The following UBE3D variants were observed in gnomAD, a reference collection of about 807,000 sequenced individuals.
UBE3D encodes the protein ubiquitin protein ligase E3D.
Under a neutral mutation model 49.6 loss-of-function variants are expected in UBE3D, and 48 were observed. The ratio of observed to expected loss-of-function variants is 0.97; its 90% confidence interval spans 0.77 to 1.23. The LOEUF is 1.23. Ranked by LOEUF, UBE3D falls within the 50% of genes most tolerant of loss-of-function variation. UBE3D has a pLI of 0.00. For synonymous variants in UBE3D, 189 were observed against 174.2 expected, an observed-to-expected ratio of 1.08 and a Z score of -0.67; for missense variants, 452 against 468.4, an observed-to-expected ratio of 0.96 and a Z score of 0.32.
downstream of UBE3D, among the ~76,000 whole-genome samples, chr6:82,890,213 A>G (rs1037567701): frequency 2.9e-4 from 44 of 152,228 alleles, no homozygotes; most frequent in African/African-American, 9.4e-4. Context: ...AAATGTCTTT[A>G]ATGCTATCCC....
intron 9 of UBE3D, among the ~76,000 whole-genome samples, chr6:82,949,734 T>C (rs1354161237): frequency 6.6e-6 from 1 of 151,998 alleles, no homozygotes; most frequent in African/African-American, 2.4e-5. Context: ...ACTCATTTTT[T>C]ACAAAAGTGC....
At chr6:82,891,223 C>G (rs1282687725), downstream of UBE3D, among the ~76,000 whole-genome samples, 1 of 152,180 alleles carries the variant, frequency 6.6e-6, no homozygotes, top group African/African-American at 2.4e-5. Context: ...TTGTCAATCA[C>G]AACAATATCT....
rs1246726932 is a variant in UBE3D, at chr6:82,910,218, A to G, written c.1150-17176T>C. ...TTCCCAATAAAACCCTTGCGTATCC[A>G]CTCCTGCCTGCAAAGGGACCATTCA... On this transcript the variant is annotated intron_variant, in intron 9 of 9. Coordinates refer to ENST00000369747, the MANE Select transcript of UBE3D (RefSeq NM_198920.3). Among the ~76,000 whole-genome samples the G allele has an allele frequency of 5.3e-5, 8 of 151,662 alleles. No homozygotes were observed. The East Asian group carries it at 1.6e-3, about 29-fold the overall frequency.
intron 9 of UBE3D, among the ~76,000 whole-genome samples, chr6:82,944,212 TGAA>T (rs1170553048): frequency 6.6e-6 from 1 of 152,092 alleles, no homozygotes; most frequent in Non-Finnish European, 1.5e-5. Flanking sequence ...TCCTTTCACT[TGAA>T]GAGAGGAGAG....
At chr6:83,017,747 C>T (rs1324040355) in intron 8 of UBE3D, 1 of 152,062 alleles carries the variant, frequency 6.6e-6, no homozygotes, top group Non-Finnish European at 1.5e-5. Context: ...TTTGACTCAA[C>T]AATTGTACCT....
chr6:83,039,602 A>C (rs530252533), intron 4 of UBE3D, among the ~76,000 whole-genome samples: 1 of 152,076 alleles, frequency 6.6e-6, no homozygotes, highest in South Asian at 2.1e-4. Context: ...AATTCATGGA[A>C]CCAATTCAGT....
chr6:82,967,283 C>T (rs1267893057), intron 8 of UBE3D, among the ~76,000 whole-genome samples: 1 of 152,188 alleles, frequency 6.6e-6, no homozygotes, highest in Non-Finnish European at 1.5e-5. Context: ...AATTCACCAA[C>T]CTTTTTTAAA....
chr6:82,935,801 A>C (rs1462403287), intron 9 of UBE3D, among the ~76,000 whole-genome samples: 1 of 152,314 alleles, frequency 6.6e-6, no homozygotes, highest in East Asian at 1.9e-4. Flanking sequence ...AGAATTCTAT[A>C]CTTAGCTTAG....
chr6:82,918,829 C>G (rs1190402661), intron 9 of UBE3D, among the ~76,000 whole-genome samples: 1 of 151,836 alleles, frequency 6.6e-6, no homozygotes, highest in East Asian at 1.9e-4. Flanking sequence ...TATTTCTTCA[C>G]TTCTCCCTAA....
intron 9 of UBE3D, among the ~76,000 whole-genome samples, chr6:82,945,222 G>A (rs538526189): frequency 1.3e-5 from 2 of 152,330 alleles, no homozygotes; most frequent in South Asian, 4.1e-4. Flanking sequence ...GGCCACAGGG[G>A]CGATTGTGTC....
At chr6:83,007,901 AC>A (rs1473373516) in intron 8 of UBE3D, among the ~76,000 whole-genome samples, 2 of 152,086 alleles carry the variant, frequency 1.3e-5, no homozygotes, top group Admixed American at 1.3e-4. Flanking sequence ...GCCGAGATTG[AC>A]CCACTACACT....
At chr6:82,958,572 G>T (rs1029426788) in intron 8 of UBE3D, among the ~76,000 whole-genome samples, 4 of 152,108 alleles carry the variant, frequency 2.6e-5, no homozygotes, top group African/African-American at 9.7e-5. Context: ...TATCAATCAG[G>T]TTACTTATTA....
intron 9 of UBE3D, among the ~76,000 whole-genome samples, chr6:82,943,365 G>A (rs1027178124): frequency 6.6e-5 from 10 of 152,186 alleles, no homozygotes; most frequent in East Asian, 1.9e-4. Flanking sequence ...AGCCAGGCAC[G>A]GTGGCTCATG....
rs912997266 is a variant in UBE3D, at chr6:83,028,584, C to T, written c.668-4546G>A. Among the ~76,000 whole-genome samples, 8 of 152,044 alleles carry T rather than the reference C, an allele frequency of 5.3e-5. 1 individual carries two copies. Among genetic ancestry groups the T allele is most frequent in the Admixed American group, 2.0e-4 (3 of 15,264 alleles). ...AGTAGTCTCTCATTTTTGTCCTTCT[C>T]GAAACTAAAGTTCTAATTTTAGAGA... On this transcript the variant is annotated intron_variant, in intron 5 of 9. Transcript: ENST00000369747.
intron 8 of UBE3D, among the ~76,000 whole-genome samples, chr6:82,983,783 A>G (rs1778274949): frequency 6.6e-6 from 1 of 152,190 alleles, no homozygotes; most frequent in Non-Finnish European, 1.5e-5. Context: ...GATTATGAAA[A>G]AAGTTTTAAG....
At chr6:82,889,404 T>C (rs1419996046), downstream of UBE3D, among the ~76,000 whole-genome samples, 2 of 152,230 alleles carry the variant, frequency 1.3e-5, no homozygotes, top group Admixed American at 6.5e-5. Flanking sequence ...CTGGGTCTAA[T>C]CGGATTCTTT....
chr6:82,955,371 CT>C (rs1299851599), intron 9 of UBE3D, among the ~76,000 whole-genome samples: 1 of 152,186 alleles, frequency 6.6e-6, no homozygotes, highest in Non-Finnish European at 1.5e-5. Flanking sequence ...CCGTAAAATC[CT>C]TTAAGTCAGA....
chr6:82,956,999 T>G (rs1037272527), intron 9 of UBE3D, among the ~76,000 whole-genome samples: 1 of 151,836 alleles, frequency 6.6e-6, no homozygotes, highest in Admixed American at 6.6e-5. Context: ...TGTGGTGGCA[T>G]GCACCTGTAG....
At chr6:82,914,978 T>C (rs1425987691) in intron 9 of UBE3D, among the ~76,000 whole-genome samples, 1 of 152,226 alleles carries the variant, frequency 6.6e-6, no homozygotes, top group Non-Finnish European at 1.5e-5. Flanking sequence ...GGTGTTGCTA[T>C]AGTTGTACCT....
Sources: gnomAD v4.1 joint callset for allele counts (sites outside exome capture counted in the v4.1 genomes callset) on GRCh38, gnomAD v4.1.1 for gene constraint, MANE v1.5 for transcripts, NCBI Gene and HGNC (gene_info 2026-07-23, HGNC 2026-07-21) for gene names.